ERBB4: variants seen among roughly 807,000 people sequenced by gnomAD.
The protein encoded by ERBB4 is receptor tyrosine-protein kinase erbB-4.
Under a neutral mutation model 158.0 loss-of-function variants are expected in ERBB4, and 42 were observed. The ratio of observed to expected loss-of-function variants is 0.27; its 90% CI spans 0.21 to 0.34. The LOEUF is 0.34. Among genes scored for constraint, ERBB4 ranks in the 10% least tolerant of loss-of-function variants. The pLI, the probability that ERBB4 is intolerant of heterozygous loss-of-function variation, is 1.00. For synonymous variants in ERBB4, 583 were observed against 558.7 expected, an observed-to-expected ratio of 1.04 and a Z score of -0.61; for missense variants, 1,333 against 1,624.1, an observed-to-expected ratio of 0.82 and a Z score of 3.08.
rs2125721999 is a variant in ERBB4, at chr2:211,562,015, A to G, written c.2375T>C (p.Ile792Thr). Reference protein sequence around the residue: ...RLLGVCLSPTIQLVTQLMPHG... With the variant: ...RLLGVCLSPTTQLVTQLMPHG... The stretch of plus-strand genomic sequence containing the variant: ...GGGCATAAGTTGAGTAACCAGCTGG[A>G]TGGTTGGGCTCAGACACACACCCAG... Residue 792 changes from isoleucine to threonine, a missense_variant, in exon 20 of 28, where the codon ATC becomes ACC. Transcript: ENST00000342788. 1 of 1,614,004 alleles carries G rather than the reference A, an allele frequency of 6.2e-7. No homozygotes were observed. The highest frequency in any genetic ancestry group is 1.3e-5 in the African/African-American group (1 of 75,044).
chr2:211,927,017 T>C (rs1057123348), intron 3 of ERBB4, among the ~76,000 whole-genome samples: 6 of 152,198 alleles, frequency 3.9e-5, no homozygotes, highest in Admixed American at 2.6e-4. Flanking sequence ...AAAAATTTCA[T>C]AAGCCAAACA....
intron 1 of ERBB4, among the ~76,000 whole-genome samples, chr2:212,503,507 T>G (rs1237733696): frequency 6.6e-6 from 1 of 152,130 alleles, no homozygotes; most frequent in Non-Finnish European, 1.5e-5. Context: ...CAATGCAGTT[T>G]TGAAGTGATA....
chr2:212,296,220 C>A (rs1339615794), intron 1 of ERBB4, among the ~76,000 whole-genome samples: 1 of 151,914 alleles, frequency 6.6e-6, no homozygotes, highest in Admixed American at 6.6e-5. Context: ...TTGATGAAGA[C>A]TGAAGCATGA....
At chr2:211,572,996 T>G (rs969823527) in intron 19 of ERBB4, among the ~76,000 whole-genome samples, 1 of 152,210 alleles carries the variant, frequency 6.6e-6, no homozygotes, top group African/African-American at 2.4e-5. Context: ...TCCCAGGTCA[T>G]ATTCATCCCT....
chr2:212,278,203 A>G (rs1008751809), intron 1 of ERBB4, among the ~76,000 whole-genome samples: 2 of 151,832 alleles, frequency 1.3e-5, no homozygotes, highest in African/African-American at 4.8e-5. Flanking sequence ...ACTTCCATAT[A>G]AAATGTACAC....
At chr2:212,432,304 AG>A (rs1458639024) in intron 1 of ERBB4, among the ~76,000 whole-genome samples, 1 of 152,192 alleles carries the variant, frequency 6.6e-6, no homozygotes, top group Non-Finnish European at 1.5e-5. Flanking sequence ...CTTTTCTTCC[AG>A]AGTGTAATAT....
intron 3 of ERBB4, among the ~76,000 whole-genome samples, chr2:211,894,866 T>C (rs1050268643): frequency 1.3e-5 from 2 of 152,172 alleles, no homozygotes; most frequent in Non-Finnish European, 2.9e-5. Context: ...ATTTAAGGAA[T>C]CATTTGTGAA....
At chr2:212,249,141 C>T (rs1047304071) in intron 1 of ERBB4, among the ~76,000 whole-genome samples, 1 of 151,924 alleles carries the variant, frequency 6.6e-6, no homozygotes, top group African/African-American at 2.4e-5. Context: ...TTATTGTTTG[C>T]GATGAAGCAT....
At position 211,380,185 on chromosome 2, in the gene ERBB4, T is replaced by C. The variant is rs574978294; in HGVS notation, c.*3430A>G. Reference sequence around the variant, plus strand: ...TTTAAGAATGTTACTGGAGAAAGGATTCTCATCCTAAGCTGTGCTACTAAT... The same window carrying C: ...TTTAAGAATGTTACTGGAGAAAGGACTCTCATCCTAAGCTGTGCTACTAAT... On this transcript the variant is annotated 3_prime_UTR_variant, in exon 28 of 28. Transcript: ENST00000342788. 4.3e-6 allele frequency: 1 copy of C among 232,174 alleles called. No homozygotes were observed. The highest frequency in any genetic ancestry group is 8.5e-6 in the Non-Finnish European group (1 of 117,412). 14.4% of individuals were successfully genotyped at this position (232,174 alleles called of 1,614,324 possible). A position where few individuals can be genotyped will look rare whatever the true frequency, so the allele number is the denominator to read the frequency against.
chr2:211,607,861 T>G (rs2069042952), intron 19 of ERBB4, among the ~76,000 whole-genome samples: 1 of 141,838 alleles, frequency 7.1e-6, no homozygotes, highest in South Asian at 2.2e-4. Context: ...CTTTTTCGCA[T>G]CAGATTTTTT....
At chr2:212,402,404 T>C (rs1314668818) in intron 1 of ERBB4, among the ~76,000 whole-genome samples, 1 of 152,084 alleles carries the variant, frequency 6.6e-6, no homozygotes, top group Non-Finnish European at 1.5e-5. Flanking sequence ...GGTGAATAAA[T>C]CGATCCTTTC....
At chr2:211,914,882 CA>C (rs1330842658) in intron 3 of ERBB4, among the ~76,000 whole-genome samples, 1 of 151,948 alleles carries the variant, frequency 6.6e-6, no homozygotes, top group East Asian at 1.9e-4. Context: ...GAAAGCAGAA[CA>C]GAGGAGTAAG....
At chr2:212,164,295 T>TA (rs2081284977) in intron 1 of ERBB4, among the ~76,000 whole-genome samples, 3 of 74,262 alleles carry the variant, frequency 4.0e-5, no homozygotes, top group Admixed American at 2.3e-4. Flanking sequence ...TATGATATTT[T>TA]TAAAAAAACA....
At chr2:212,480,779 T>C (rs1038328459) in intron 1 of ERBB4, among the ~76,000 whole-genome samples, 5 of 152,220 alleles carry the variant, frequency 3.3e-5, no homozygotes, top group Non-Finnish European at 7.3e-5. Flanking sequence ...TTTGATTATG[T>C]ATTTAAGTTT....
intron 2 of ERBB4, among the ~76,000 whole-genome samples, chr2:212,052,979 G>C (rs766569898): frequency 6.6e-6 from 1 of 152,156 alleles, no homozygotes; most frequent in Non-Finnish European, 1.5e-5. Context: ...GTAGCAACGG[G>C]ACCTGGACCA....
Position 212,147,157 on chromosome 2 carries a change from A to ATTTTTTTTT in ERBB4, c.83-22263_83-22255dup, listed in dbSNP as rs71397161. On this transcript the variant is annotated intron_variant, in intron 1 of 27. Coordinates refer to ENST00000342788, the MANE Select transcript of ERBB4 (RefSeq NM_005235.3). Reference sequence around the variant, plus strand: ...AGGGGCATGCCACCATGCCCAGCTAATTTTTTTTTTTTTTTTTTTTTTTTT... The same window carrying ATTTTTTTTT: ...AGGGGCATGCCACCATGCCCAGCTAATTTTTTTTTTTTTTTTTTTTTTTTTTTTTTTTTT... Among the ~76,000 whole-genome samples the ATTTTTTTTT allele has an allele frequency of 3.1e-3, 106 of 34,258 alleles. 12 individuals are homozygous for ATTTTTTTTT. The highest frequency in any genetic ancestry group is 5.8e-3 in the African/African-American group (43 of 7,432). 22.5% of individuals were successfully genotyped at this position (34,258 alleles called of 152,430 possible). A position where few individuals can be genotyped will look rare whatever the true frequency, so the allele number is the denominator to read the frequency against.
intron 2 of ERBB4, among the ~76,000 whole-genome samples, chr2:212,024,456 C>G (rs1159899678): frequency 6.6e-6 from 1 of 151,898 alleles, no homozygotes; most frequent in Admixed American, 6.6e-5. Context: ...AAAGAAAATC[C>G]CTTATTGCTT....
At chr2:212,103,207 T>G (rs1271857457) in intron 2 of ERBB4, among the ~76,000 whole-genome samples, 1 of 152,144 alleles carries the variant, frequency 6.6e-6, no homozygotes, top group Non-Finnish European at 1.5e-5. Flanking sequence ...CTGCTACTTT[T>G]GCTTGGGGCA....
At chr2:212,413,442 C>T (rs568112642) in intron 1 of ERBB4, among the ~76,000 whole-genome samples, 2 of 152,134 alleles carry the variant, frequency 1.3e-5, no homozygotes, top group East Asian at 3.9e-4. Flanking sequence ...TAAAATTTCT[C>T]CTCTGTTATA....
Sources: gnomAD v4.1 joint callset for allele counts (sites outside exome capture counted in the v4.1 genomes callset) on GRCh38, gnomAD v4.1.1 for gene constraint, MANE v1.5 for transcripts, NCBI Gene and HGNC (gene_info 2026-07-23, HGNC 2026-07-21) for gene names.